Variants in GAB2 observed in about 807,000 individuals in gnomAD.
GAB2 encodes GRB2 associated binding protein 2.
In GAB2, 26 loss-of-function variants were observed where a neutral mutation model predicts 65.5. The observed-to-expected ratio is 0.40, with a 90% CI of 0.29 to 0.55. The LOEUF is 0.55. Among genes scored for constraint, GAB2 ranks in the 20% least tolerant of loss-of-function variants. GAB2 has a pLI of 0.53. For synonymous variants in GAB2, 321 were observed against 329.6 expected, an observed-to-expected ratio of 0.97 and a Z score of 0.28; for missense variants, 884 against 875.8, an observed-to-expected ratio of 1.01 and a Z score of -0.12.
intron 1 of GAB2, among the ~76,000 whole-genome samples, chr11:78,330,010 C>G (rs938113703): frequency 6.6e-6 from 1 of 152,120 alleles, no homozygotes; most frequent in African/African-American, 2.4e-5. Context: ...CTCGTTTCTA[C>G]TGGCAAAAAA....
At chr11:78,290,025 G>A (rs1312960956) in intron 1 of GAB2, among the ~76,000 whole-genome samples, 1 of 151,978 alleles carries the variant, frequency 6.6e-6, no homozygotes. Context: ...GTAACGGGGA[G>A]CCATTGAAGA....
chr11:78,390,403 T>C (rs1176355841), intron 1 of GAB2, among the ~76,000 whole-genome samples: 2 of 152,098 alleles, frequency 1.3e-5, no homozygotes, highest in South Asian at 2.1e-4. Flanking sequence ...CTGAGAAACA[T>C]AGTGAGATCC....
intron 1 of GAB2, among the ~76,000 whole-genome samples, chr11:78,316,816 C>G (rs1855616975): frequency 6.6e-6 from 1 of 152,140 alleles, no homozygotes; most frequent in Non-Finnish European, 1.5e-5. Flanking sequence ...AGCAGGAACA[C>G]AAACGGAATA....
At chr11:78,342,332 C>T (rs1242200945) in intron 1 of GAB2, among the ~76,000 whole-genome samples, 4 of 151,806 alleles carry the variant, frequency 2.6e-5, no homozygotes, top group African/African-American at 9.7e-5. Context: ...GCCACCTCCT[C>T]TAGGCTGTTG....
chr11:78,222,211 A>G lies in GAB2; in HGVS notation c.1568-16T>C, dbSNP rs764136313. ...GTTGGCTTTGCTGGAGCAGGAAAAG[A>G]AAGTCTGGTAATCAGCCAGTAATGA... On this transcript the variant is annotated splice_polypyrimidine_tract_variant and intron_variant, in intron 6 of 9. Coordinates refer to ENST00000361507, the MANE Select transcript of GAB2 (RefSeq NM_080491.3). 1.3e-6 allele frequency: 2 copies of G among 1,567,164 alleles called. No individual in the cohort carries two copies. The highest frequency in any genetic ancestry group is 3.3e-5 in the Admixed American group (2 of 59,956).
chr11:78,225,172 T>G lies in GAB2; in HGVS notation c.1238A>C (p.Gln413Pro), dbSNP rs768470212. The change falls in exon 5 of 10, where the codon CAG (glutamine) becomes CCG (proline). Residue 413 changes from glutamine (Q) to proline (P), a missense_variant. Gln to Pro is a moderately conservative substitution (Grantham distance 76). Transcript: ENST00000361507. ...ASSCETYEYP[Q>P]RGGESAGRSA... Reference sequence around the variant, plus strand: ...CCGGCCTGCACTCTCTCCACCACGCTGTGGGTACTCGTAGGTCTCACAGGA... The same window carrying G: ...CCGGCCTGCACTCTCTCCACCACGCGGTGGGTACTCGTAGGTCTCACAGGA... 1.2e-6 allele frequency: 2 copies of G among 1,613,018 alleles called. No individual in the cohort carries two copies. The highest frequency in any genetic ancestry group is 1.7e-4 in the Middle Eastern group (1 of 6,060).
Position 78,280,259 on chromosome 11 carries a change from A to G in GAB2, c.376+342T>C, listed in dbSNP as rs868804547. Among the ~76,000 whole-genome samples the G allele has an allele frequency of 1.1e-4, 17 of 152,306 alleles. 1 individual carries two copies. The highest frequency in any genetic ancestry group is 6.8e-3 in the Middle Eastern group (2 of 294). ...AAGGGACCAAGGTGAGACCTTCCCT[A>G]TGGGATGGGTGACAGATAATGGGAC... On this transcript the variant is annotated intron_variant, in intron 2 of 9. Coordinates refer to ENST00000361507, the MANE Select transcript of GAB2 (RefSeq NM_080491.3).
At chr11:78,330,350 A>T (rs962526511) in intron 1 of GAB2, among the ~76,000 whole-genome samples, 2 of 152,234 alleles carry the variant, frequency 1.3e-5, no homozygotes, top group Non-Finnish European at 2.9e-5. Flanking sequence ...TTTGAGTGAC[A>T]AACAGCAGGT....
At chr11:78,320,573 CA>C (rs1490965906) in intron 1 of GAB2, among the ~76,000 whole-genome samples, 1 of 152,090 alleles carries the variant, frequency 6.6e-6, no homozygotes, top group Non-Finnish European at 1.5e-5. Flanking sequence ...AGCCTAGCAT[CA>C]GGTATACTAA....
At chr11:78,238,222 A>AG (rs1386236468) in intron 3 of GAB2, among the ~76,000 whole-genome samples, 7 of 151,856 alleles carry the variant, frequency 4.6e-5, no homozygotes, top group African/African-American at 1.7e-4. Flanking sequence ...AAAAAAAAAA[A>AG]AAAAGAAAAT....
chr11:78,276,974 C>T (rs1391068118), intron 2 of GAB2, among the ~76,000 whole-genome samples: 2 of 152,218 alleles, frequency 1.3e-5, no homozygotes, highest in Non-Finnish European at 2.9e-5. Context: ...CCCGCCACCA[C>T]GCCCGGCTAT....
At chr11:78,280,013 A>T (rs1481517014) in intron 2 of GAB2, among the ~76,000 whole-genome samples, 2 of 152,222 alleles carry the variant, frequency 1.3e-5, no homozygotes, top group Non-Finnish European at 1.5e-5. Context: ...GCATTTCTAC[A>T]ATTTAACACT....
intron 1 of GAB2, among the ~76,000 whole-genome samples, chr11:78,390,222 A>G (rs555825209): frequency 1.3e-5 from 2 of 152,348 alleles, no homozygotes; most frequent in East Asian, 3.9e-4. Flanking sequence ...AAATGAAACC[A>G]GGCTTGGCGA....
chr11:78,225,077 C>G (rs1590942856), intron 5 of GAB2, 31 bp downstream of exon 5: 1 of 1,432,888 alleles, frequency 7.0e-7, no homozygotes, highest in Non-Finnish European at 9.8e-7. Context: ...ACCAGGCCGG[C>G]CTGAGGACCC....
chr11:78,256,552 C>T (rs899986981), intron 2 of GAB2, among the ~76,000 whole-genome samples: 2 of 152,182 alleles, frequency 1.3e-5, no homozygotes, highest in African/African-American at 4.8e-5. Flanking sequence ...GAACCTCATG[C>T]ACGGGACAGA....
chr11:78,304,010 G>A (rs1855295611), intron 1 of GAB2, among the ~76,000 whole-genome samples: 1 of 152,028 alleles, frequency 6.6e-6, no homozygotes, highest in East Asian at 1.9e-4. Context: ...GCAGACAAAT[G>A]AGGCCCATGA....
intron 1 of GAB2, among the ~76,000 whole-genome samples, chr11:78,299,921 T>A (rs905152828): frequency 5.9e-5 from 9 of 152,342 alleles, no homozygotes; most frequent in African/African-American, 2.2e-4. Flanking sequence ...GCTGATCCTT[T>A]TTTTTTCTTT....
At chr11:78,298,321 G>C (rs577663428) in intron 1 of GAB2, among the ~76,000 whole-genome samples, 8 of 152,332 alleles carry the variant, frequency 5.3e-5, no homozygotes, top group African/African-American at 1.9e-4. Flanking sequence ...TTTCCAGCTT[G>C]AGCAAGTGGG....
At chr11:78,230,906 C>T (rs942830448) in intron 3 of GAB2, among the ~76,000 whole-genome samples, 1 of 152,184 alleles carries the variant, frequency 6.6e-6, no homozygotes, top group Non-Finnish European at 1.5e-5. Flanking sequence ...TTAACTGAGG[C>T]CTGTGTCACT....
Sources: allele counts gnomAD v4.1 joint callset (sites outside exome capture counted in the v4.1 genomes callset), GRCh38; gene constraint gnomAD v4.1.1; transcripts MANE v1.5; gene names NCBI Gene and HGNC (gene_info 2026-07-23, HGNC 2026-07-21).